Variants in ADCY8 observed in about 807,000 individuals in gnomAD.
The protein encoded by ADCY8 is adenylate cyclase type 8.
ADCY8 carries 51 observed loss-of-function variants against 119.7 expected under a neutral mutation model. The observed-to-expected ratio is 0.43, with a 90% CI of 0.34 to 0.54. The LOEUF is 0.54. Ranked by LOEUF, ADCY8 falls within the 20% of genes least tolerant of loss-of-function variation. The probability of loss-of-function intolerance (pLI) is 0.03; values close to 1 mark genes in which losing one functional copy is unlikely to be tolerated. For synonymous variants in ADCY8, 665 were observed against 651.0 expected (o/e 1.02, Z -0.33); for missense variants, 1,383 against 1,598.8 (o/e 0.87, Z 2.30).
At chr8:130,921,452 T>TC (rs1820303129) in intron 5 of ADCY8, among the ~76,000 whole-genome samples, 1 of 147,622 alleles carries the variant, frequency 6.8e-6, no homozygotes, top group African/African-American at 2.5e-5. Flanking sequence ...TTCTTTTCTT[T>TC]TTTTTTTTTT....
intron 1 of ADCY8, among the ~76,000 whole-genome samples, chr8:131,024,082 C>G (rs1041681584): frequency 6.6e-6 from 1 of 152,080 alleles, no homozygotes; most frequent in Non-Finnish European, 1.5e-5. Flanking sequence ...GTTCTTGTTT[C>G]TAGTGTGCAA....
At chr8:130,948,271 T>C (rs1325787822) in intron 3 of ADCY8, among the ~76,000 whole-genome samples, 1 of 152,172 alleles carries the variant, frequency 6.6e-6, no homozygotes, top group Non-Finnish European at 1.5e-5. Context: ...GTCTTAAGTA[T>C]CTGGGGGAAA....
At chr8:130,908,446 C>T (rs765949982) in intron 6 of ADCY8, among the ~76,000 whole-genome samples, 1 of 152,208 alleles carries the variant, frequency 6.6e-6, no homozygotes, top group African/African-American at 2.4e-5. Flanking sequence ...AGCCATGACA[C>T]ACCACATAGA....
At chr8:130,849,979 A>T (rs1817465397) in intron 9 of ADCY8, among the ~76,000 whole-genome samples, 176 bp from the exon 10 acceptor site, 1 of 152,172 alleles carries the variant, frequency 6.6e-6, no homozygotes, top group Admixed American at 6.5e-5. Context: ...GCATCCCTAG[A>T]GCACTCTCTC....
intron 2 of ADCY8, among the ~76,000 whole-genome samples, chr8:130,965,089 T>C (rs1821722761): frequency 6.6e-6 from 1 of 152,224 alleles, no homozygotes; most frequent in Non-Finnish European, 1.5e-5. Context: ...GTCAGATGCA[T>C]AGTTTGTGAA....
intron 9 of ADCY8, among the ~76,000 whole-genome samples, chr8:130,854,332 C>A (rs1423970097): frequency 2.0e-5 from 3 of 152,190 alleles, no homozygotes; most frequent in Admixed American, 2.0e-4. Context: ...CAAATCATTT[C>A]TAGACATTAA....
intron 10 of ADCY8, among the ~76,000 whole-genome samples, chr8:130,849,134 A>T (rs1476987111): frequency 1.3e-5 from 2 of 152,186 alleles, no homozygotes; most frequent in Non-Finnish European, 2.9e-5. Flanking sequence ...GGAGTCAGAC[A>T]GACCTTATTA....
intron 14 of ADCY8, among the ~76,000 whole-genome samples, chr8:130,801,836 CT>C (rs1240849990): frequency 6.7e-6 from 1 of 149,474 alleles, no homozygotes; most frequent in East Asian, 2.0e-4. Context: ...TCTTGATTCT[CT>C]TGACTTTTTA....
chr8:130,849,325 G>A (rs933987246), intron 10 of ADCY8, among the ~76,000 whole-genome samples: 2 of 152,192 alleles, frequency 1.3e-5, no homozygotes, highest in African/African-American at 4.8e-5. Flanking sequence ...TATTTATGAT[G>A]TAATTGGCTA....
intron 9 of ADCY8, among the ~76,000 whole-genome samples, chr8:130,850,299 G>A (rs1032361252): frequency 1.3e-5 from 2 of 152,130 alleles, no homozygotes; most frequent in Non-Finnish European, 1.5e-5. Flanking sequence ...TTGAGACATG[G>A]GTAAGGAGAA....
At chr8:130,894,851 C>G (rs1819328514) in intron 7 of ADCY8, among the ~76,000 whole-genome samples, 1 of 152,102 alleles carries the variant, frequency 6.6e-6, no homozygotes, top group Non-Finnish European at 1.5e-5. Context: ...TATAAAATTA[C>G]TTGAAAAATG....
At chr8:130,968,750 C>CT (rs141611794) in intron 2 of ADCY8, among the ~76,000 whole-genome samples, 4,951 of 152,204 alleles carry the variant, frequency 0.033, 203 homozygotes, top group African/African-American at 0.091. Context: ...GAGGAAGGCA[C>CT]TTTTTTCTTT....
Position 130,909,573 on chromosome 8 carries a change from T to C in ADCY8, c.1640+135A>G, listed in dbSNP as rs184361892. 3.5e-3 allele frequency: 3,593 copies of C among 1,023,844 alleles called. 19 individuals carry two copies. Among genetic ancestry groups the C allele is most frequent in the Non-Finnish European group, 3.4e-3 (2,349 of 681,950 alleles). The allele number at this position is 1,023,844 out of a possible 1,614,324, so 63.4% of individuals were successfully genotyped here. On this transcript the variant is annotated intron_variant, in intron 6 of 17. Transcript: ENST00000286355. ...ATTTTGGAAGCTAATAGTTGTATGA[T>C]GTTTCAGTGTCTGGTCTCCTTCCAA...
intron 14 of ADCY8, among the ~76,000 whole-genome samples, chr8:130,802,376 T>A (rs1815808321): frequency 6.6e-6 from 1 of 152,346 alleles, no homozygotes; most frequent in African/African-American, 2.4e-5. Flanking sequence ...CTTCCCATTT[T>A]CCTTCTTGAT....
At position 130,893,471 on chromosome 8, in the gene ADCY8, G is replaced by GTCAT. The variant is rs559720653; in HGVS notation, c.1912-8714_1912-8711dup. Among the ~76,000 whole-genome samples, 233 of 152,296 alleles carry GTCAT rather than the reference G, an allele frequency of 1.5e-3. 1 individual carries two copies. Among genetic ancestry groups the GTCAT allele is most frequent in the African/African-American group, 5.2e-3 (216 of 41,582 alleles). On this transcript the variant is annotated intron_variant, in intron 7 of 17. Coordinates refer to ENST00000286355, the MANE Select transcript of ADCY8 (RefSeq NM_001115.3). ...AGCACTGAATTAGCTGGGTTGAAAT[G>GTCAT]TCATTGGCTGTAGTTGGTGAGATGA...
At chr8:130,833,029 G>C (rs1007865778) in intron 12 of ADCY8, among the ~76,000 whole-genome samples, 2 of 152,130 alleles carry the variant, frequency 1.3e-5, no homozygotes, top group South Asian at 4.1e-4. Flanking sequence ...TTACTCTAAA[G>C]GTGGCTTATT....
At chr8:130,875,424 A>G (rs932832371) in intron 8 of ADCY8, among the ~76,000 whole-genome samples, 2 of 152,238 alleles carry the variant, frequency 1.3e-5, no homozygotes, top group Non-Finnish European at 2.9e-5. Flanking sequence ...GTGATTTAGA[A>G]AAATGAAAGA....
At chr8:130,990,651 C>G (rs1193407833) in intron 1 of ADCY8, 109 bp from the exon 2 acceptor site, 1 of 1,380,630 alleles carries the variant, frequency 7.2e-7, no homozygotes, top group Non-Finnish European at 9.9e-7. Context: ...ATGTAGTAAT[C>G]CATATGTTTA....
chr8:130,917,229 A>C (rs1047870391), intron 5 of ADCY8, among the ~76,000 whole-genome samples: 5 of 152,184 alleles, frequency 3.3e-5, no homozygotes, highest in Non-Finnish European at 7.4e-5. Context: ...TATACAGCTC[A>C]TCCATTTATT....
Sources: gnomAD v4.1 joint callset for allele counts (sites outside exome capture counted in the v4.1 genomes callset) on GRCh38, gnomAD v4.1.1 for gene constraint, MANE v1.5 for transcripts, NCBI Gene and HGNC (gene_info 2026-07-23, HGNC 2026-07-21) for gene names.